The following RXYLT1 variants were observed in gnomAD, a reference collection of about 807,000 sequenced individuals.
RXYLT1 encodes the protein ribitol-5-phosphate xylosyltransferase 1.
Under a neutral mutation model 43.5 loss-of-function variants are expected in RXYLT1, and 41 were observed. That is an observed-to-expected ratio of 0.94 (90% CI 0.73 to 1.22). The LOEUF (loss-of-function observed/expected upper bound fraction) is 1.22. Among genes scored for constraint, RXYLT1 ranks in the 50% most tolerant of loss-of-function variants. The pLI is 0.00. For missense variants in RXYLT1, 514 were observed against 532.0 expected, an observed-to-expected ratio of 0.97 and a Z score of 0.33; for synonymous variants, 166 against 194.4, an observed-to-expected ratio of 0.85 and a Z score of 1.21.
At chr12:63,789,649 T>C (rs575310203) in intron 3 of RXYLT1, among the ~76,000 whole-genome samples, 285 of 152,348 alleles carry the variant, frequency 1.9e-3, no homozygotes, top group African/African-American at 6.6e-3. Context: ...GCTGGTATTA[T>C]GGCCAAAGAG....
In RXYLT1 at chr12:63,781,164, A is replaced by C; in HGVS notation, c.315A>C (p.Lys105Asn). The change falls in exon 2 of 6, where the codon AAA becomes AAC. Residue 105 changes from lysine (K) to asparagine (N), a missense_variant. Coordinates refer to ENST00000261234, the MANE Select transcript of RXYLT1 (RefSeq NM_014254.3). ...KTDLSVQIWG[K>N]AAIGLYLWEH... ...ATCTCAGTGTACAAATCTGGGGCAA[A>C]GCTGCCATTGGTAAGTTAATACGTA... The C allele has an allele frequency of 1.3e-6, 2 of 1,561,768 alleles. No homozygotes were observed. The highest frequency in any genetic ancestry group is 1.7e-6 in the Non-Finnish European group (2 of 1,157,054).
Position 63,808,893 on chromosome 12 carries a change from C to A in RXYLT1, c.1133C>A (p.Ser378Tyr), listed in dbSNP as rs556177786. Reference sequence around the variant, plus strand: ...GGTGCTCCTCTGCAGTTACTCAAGTCCATGGGTGCTCCCTTTATCTTTATC... The same window carrying A: ...GGTGCTCCTCTGCAGTTACTCAAGTACATGGGTGCTCCCTTTATCTTTATC... The part of the protein sequence containing the change: ...HHGAPLQLLK[S>Y]MGAPFIFIKN... Residue 378 changes from serine (S) to tyrosine (Y), a missense_variant, in exon 6 of 6, where the codon TCC becomes TAC. By Grantham distance (144) the Ser-to-Tyr change is moderately radical. Transcript: ENST00000261234. 100 of 1,614,122 alleles carry A rather than the reference C, an allele frequency of 6.2e-5. 1 individual carries two copies. The South Asian group carries it at 1.1e-3, about 17-fold the overall frequency.
chr12:63,798,602 A>G (rs1014256254), intron 3 of RXYLT1, among the ~76,000 whole-genome samples: 1 of 152,198 alleles, frequency 6.6e-6, no homozygotes, highest in African/African-American at 2.4e-5. Flanking sequence ...CTGATACTTG[A>G]TATCTTTCAG....
intron 3 of RXYLT1, among the ~76,000 whole-genome samples, chr12:63,791,614 G>C (rs11175174): frequency 0.2 from 30,096 of 152,108 alleles, 4,386 homozygotes; most frequent in East Asian, 0.61. Context: ...TAAATCAATG[G>C]AGATCCCAAA....
At chr12:63,803,959 T>C (rs12426316) in intron 4 of RXYLT1, 6,287 of 150,212 alleles carry the variant, frequency 0.042, 240 homozygotes, top group East Asian at 0.19. Flanking sequence ...GTTCTAGCCA[T>C]TCTCCTGCCT....
intron 5 of RXYLT1, chr12:63,806,434 AT>A (rs1347447442): frequency 1.3e-5 from 2 of 152,260 alleles, no homozygotes; most frequent in Non-Finnish European, 2.9e-5. Flanking sequence ...AGAAGGTTAC[AT>A]TTATGCACAG....
intron 3 of RXYLT1, among the ~76,000 whole-genome samples, chr12:63,793,675 T>C (rs1169624416): frequency 2.6e-5 from 4 of 152,134 alleles, no homozygotes; most frequent in Non-Finnish European, 5.9e-5. Context: ...TAAATAGTAG[T>C]AGAAATGGAG....
intron 2 of RXYLT1, 49 bp downstream of exon 2, chr12:63,781,223 AT>A (rs1345215204): frequency 7.3e-7 from 1 of 1,361,634 alleles, no homozygotes; most frequent in Non-Finnish European, 9.6e-7. Context: ...TATAAAATGT[AT>A]TTTATTGATA....
At chr12:63,795,974 C>T (rs908346349) in intron 3 of RXYLT1, among the ~76,000 whole-genome samples, 2 of 152,154 alleles carry the variant, frequency 1.3e-5, no homozygotes, top group African/African-American at 4.8e-5. Context: ...TACATAATTA[C>T]CGTATAATTA....
At chr12:63,807,725 C>T (rs1005142595) in intron 5 of RXYLT1, 4 of 152,132 alleles carry the variant, frequency 2.6e-5, no homozygotes, top group Admixed American at 1.3e-4. Flanking sequence ...CCATCACGCC[C>T]GGCTAATTAT....
intron 3 of RXYLT1, among the ~76,000 whole-genome samples, chr12:63,801,036 T>A (rs1348089051): frequency 6.6e-6 from 1 of 152,208 alleles, no homozygotes; most frequent in Admixed American, 6.5e-5. Context: ...TTAAAAAAAT[T>A]AAATACTTTC....
At chr12:63,792,186 G>A (rs1361554537) in intron 3 of RXYLT1, among the ~76,000 whole-genome samples, 1 of 152,172 alleles carries the variant, frequency 6.6e-6, no homozygotes, top group Non-Finnish European at 1.5e-5. Flanking sequence ...ATCATTTTCA[G>A]TTTTTTGTAG....
intron 3 of RXYLT1, among the ~76,000 whole-genome samples, chr12:63,793,669 TA>T (rs1224201322): frequency 1.2e-4 from 18 of 152,148 alleles, no homozygotes; most frequent in Non-Finnish European, 2.5e-4. Flanking sequence ...GCTGCCTAAA[TA>T]GTAGTAGAAA....
chr12:63,797,659 A>G (rs1000647439), intron 3 of RXYLT1, among the ~76,000 whole-genome samples: 3 of 152,164 alleles, frequency 2.0e-5, no homozygotes, highest in Admixed American at 6.5e-5. Flanking sequence ...CTTGGACTTT[A>G]TTCTAGGGTA....
chr12:63,780,195 G>C (rs1897644332), intron 1 of RXYLT1, 66 bp downstream of exon 1: 1 of 1,396,244 alleles, frequency 7.2e-7, no homozygotes, highest in Admixed American at 3.7e-5. Context: ...GGCGGCTGGG[G>C]CCGGGTCCCC....
chr12:63,787,482 C>T (rs762038157), intron 3 of RXYLT1, among the ~76,000 whole-genome samples: 10 of 152,138 alleles, frequency 6.6e-5, no homozygotes, highest in Non-Finnish European at 1.5e-4. Flanking sequence ...ATGTTTTGAC[C>T]TCGTCCCATG....
rs150417042 is a variant in RXYLT1, at chr12:63,785,016, C to T, written c.372C>T (p.Ser124=). 33 of 1,613,682 alleles carry T rather than the reference C, an allele frequency of 2.0e-5. No homozygotes were observed. In the African/African-American group the frequency reaches 2.9e-4, roughly 14 times the overall value. The part of the protein sequence containing the change: ...EHIFEGLLDP[S]DVTAQWREGK... ...TTTTTGAAGGCTTACTTGATCCCAG[C>T]GATGTGACTGCTCAATGGAGAGAAG... The change falls in exon 3 of 6, where the codon AGC becomes AGT. Residue 124 remains serine (S), a synonymous_variant. Transcript: ENST00000261234.
intron 3 of RXYLT1, among the ~76,000 whole-genome samples, chr12:63,800,078 C>T (rs1407593259): frequency 6.6e-6 from 1 of 152,178 alleles, no homozygotes; most frequent in Non-Finnish European, 1.5e-5. Flanking sequence ...GGTACATGCA[C>T]ACATAGTAAA....
At chr12:63,799,009 C>T (rs949214631) in intron 3 of RXYLT1, among the ~76,000 whole-genome samples, 24 of 152,050 alleles carry the variant, frequency 1.6e-4, no homozygotes, top group Admixed American at 1.1e-3. Flanking sequence ...GCTTGGGAGA[C>T]ACTGAAAAAT....
Sources: allele counts gnomAD v4.1 joint callset (sites outside exome capture counted in the v4.1 genomes callset), GRCh38; gene constraint gnomAD v4.1.1; transcripts MANE v1.5; gene names NCBI Gene and HGNC (gene_info 2026-07-23, HGNC 2026-07-21).